The following MAP4K5 variants were observed in gnomAD, a reference collection of about 807,000 sequenced individuals.
MAP4K5 encodes the protein mitogen-activated protein kinase kinase kinase kinase 5.
Under a neutral mutation model 135.6 loss-of-function variants are expected in MAP4K5, and 82 were observed. That is an observed-to-expected ratio of 0.60 (90% CI 0.51 to 0.73). The LOEUF (loss-of-function observed/expected upper bound fraction) is 0.73, where lower values mean the gene tolerates loss of function less well. MAP4K5 is among the 30% of genes least tolerant of loss of function. MAP4K5 has a pLI of 0.00. For missense variants in MAP4K5, 907 were observed against 1,010.9 expected, an observed-to-expected ratio of 0.90 and a Z score of 1.39; for synonymous variants, 347 against 335.0, an observed-to-expected ratio of 1.04 and a Z score of -0.39.
intron 1 of MAP4K5, among the ~76,000 whole-genome samples, chr14:50,555,920 A>C (rs1354206512): frequency 1.3e-5 from 2 of 152,208 alleles, no homozygotes; most frequent in African/African-American, 4.8e-5. Flanking sequence ...TCAACTATTG[A>C]GAAACTTCTG....
rs566660409 is a variant in MAP4K5, at chr14:50,468,808, T to C, written c.543-26A>G. The C allele has an allele frequency of 9.5e-6, 15 of 1,584,300 alleles. No homozygotes were observed. The African/African-American group carries it at 1.2e-4, about 13-fold the overall frequency. On this transcript the variant is annotated intron_variant, in intron 9 of 32. Transcript: ENST00000682126. The stretch of plus-strand genomic sequence containing the variant: ...CTAGAAGGAATCAATGAATACAACA[T>C]TTTTGTTGTTAAATATTGATCTGAA...
chr14:50,527,743 T>A lies in MAP4K5; in HGVS notation c.108+4199A>T, dbSNP rs182696482. Among the ~76,000 whole-genome samples, 13 of 151,804 alleles carry A rather than the reference T, an allele frequency of 8.6e-5. No homozygotes were observed. In the East Asian group the frequency reaches 2.5e-3, roughly 29 times the overall value. On this transcript the variant is annotated intron_variant, in intron 2 of 32. Transcript: ENST00000682126. ...AAACATGTTATTCTTCTATAATCAA[T>A]CAGATAAAGCAATAAAGCTTAGAAA...
rs374506775 is a variant in MAP4K5 at position 50,462,683 on chromosome 14, T to G, written c.918A>C (p.Ala306=). Residue 306 remains alanine, a synonymous_variant, in exon 13 of 33, where the codon GCA becomes GCC. Coordinates refer to ENST00000682126, the MANE Select transcript of MAP4K5 (RefSeq NM_006575.6). The part of the protein sequence containing the change: ...NPDNHAHYTE[A]DDDDFEPHAI... ...TCCTTACCTCAAAGTCATCGTCATC[T>G]GCTTCAGTGTAATGTGCGTGGTTAT... 1.2e-6 allele frequency: 2 copies of G among 1,603,664 alleles called. No individual in the cohort carries two copies. Among genetic ancestry groups the G allele is most frequent in the Middle Eastern group, 3.3e-4 (2 of 6,056 alleles).
intron 16 of MAP4K5, among the ~76,000 whole-genome samples, chr14:50,446,487 A>G (rs2036351517): frequency 6.6e-6 from 1 of 152,240 alleles, no homozygotes; most frequent in Non-Finnish European, 1.5e-5. Flanking sequence ...TACTCAAAGT[A>G]GATCCTCAAA....
At chr14:50,493,322 A>G (rs1283812541) in intron 3 of MAP4K5, among the ~76,000 whole-genome samples, 1 of 152,208 alleles carries the variant, frequency 6.6e-6, no homozygotes, top group Non-Finnish European at 1.5e-5. Flanking sequence ...TCAGGCTGAC[A>G]CCATGAGCAT....
chr14:50,468,569 T>G, intron 10 of MAP4K5, 82 bp downstream of exon 10: 29 of 1,380,098 alleles, frequency 2.1e-5, no homozygotes, highest in South Asian at 2.7e-5. Flanking sequence ...TTCTTAAAAA[T>G]GAGCTTGATG....
At chr14:50,463,480 T>C (rs1014238243) in intron 12 of MAP4K5, among the ~76,000 whole-genome samples, 3 of 152,294 alleles carry the variant, frequency 2.0e-5, no homozygotes, top group South Asian at 2.1e-4. Context: ...TATACCCACA[T>C]ATATACACTG....
chr14:50,536,187 G>A (rs1052625270), upstream of MAP4K5, among the ~76,000 whole-genome samples: 36 of 152,322 alleles, frequency 2.4e-4, no homozygotes, highest in African/African-American at 8.4e-4. Context: ...GCCCATGCCT[G>A]TAATCCCAGC....
At position 50,492,009 on chromosome 14, in the gene MAP4K5, A is replaced by G. The variant is rs2139962624; in HGVS notation, c.167-5815T>C. Among the ~76,000 whole-genome samples, 2 of 152,264 alleles carry G rather than the reference A, an allele frequency of 1.3e-5. 1 individual carries two copies. Among genetic ancestry groups the G allele is most frequent in the South Asian group, 4.1e-4 (2 of 4,832 alleles). On this transcript the variant is annotated intron_variant, in intron 3 of 32. Coordinates refer to ENST00000682126, the MANE Select transcript of MAP4K5 (RefSeq NM_006575.6). ...GCCTGAGCTTTCAGAAAGTTAGCAC[A>G]TTATAATAATTCTACAAAAAGTATA...
chr14:50,462,557 G>A (rs148947672), intron 13 of MAP4K5, 108 bp downstream of exon 13: 1 of 728,820 alleles, frequency 1.4e-6, no homozygotes, highest in East Asian at 2.6e-5. Flanking sequence ...AGCTAAACCT[G>A]TTTTAACTAA....
At chr14:50,519,756 C>A (rs1388062501) in intron 2 of MAP4K5, among the ~76,000 whole-genome samples, 1 of 151,932 alleles carries the variant, frequency 6.6e-6, no homozygotes, top group Non-Finnish European at 1.5e-5. Context: ...GCTATCTATG[C>A]CAAGGCAAGA....
intron 2 of MAP4K5, among the ~76,000 whole-genome samples, chr14:50,509,510 T>G (rs2037885958): frequency 6.6e-6 from 1 of 152,196 alleles, no homozygotes; most frequent in African/African-American, 2.4e-5. Context: ...ATTTTCAATG[T>G]AACAGAAGGT....
intron 1 of MAP4K5, among the ~76,000 whole-genome samples, chr14:50,545,451 C>T (rs370247864): frequency 6.6e-6 from 1 of 152,098 alleles, no homozygotes; most frequent in South Asian, 2.1e-4. Flanking sequence ...GGGTGGTCGA[C>T]GGCATCCATG....
rs528823999 is a variant in MAP4K5, at chr14:50,419,661, A to G, written c.*358T>C. On this transcript the variant is annotated 3_prime_UTR_variant, in exon 33 of 33. Coordinates refer to ENST00000682126, the MANE Select transcript of MAP4K5 (RefSeq NM_006575.6). ...ATTAAGAAGGAATAAGACATGATAT[A>G]AAATGATCACTAAATTTACCTCTCT... 5.4e-6 allele frequency: 1 copy of G among 184,466 alleles called. No individual in the cohort carries two copies. The highest frequency in any genetic ancestry group is 1.3e-4 in the East Asian group (1 of 7,894). 11.4% of individuals were successfully genotyped at this position (184,466 alleles called of 1,614,324 possible).
intron 1 of MAP4K5, among the ~76,000 whole-genome samples, chr14:50,560,726 C>T (rs1386552430): frequency 5.4e-5 from 8 of 149,276 alleles, no homozygotes; most frequent in African/African-American, 1.9e-4. Flanking sequence ...CAAGCCCCAA[C>T]CCCCCTCCCC....
intron 26 of MAP4K5, 92 bp downstream of exon 26, chr14:50,437,384 C>T (rs753372131): frequency 4.0e-5 from 39 of 975,430 alleles, no homozygotes; most frequent in South Asian, 3.6e-4. Flanking sequence ...AAAACCTACC[C>T]TCCTTCCTAT....
chr14:50,460,764 A>G (rs1042298524), intron 13 of MAP4K5, among the ~76,000 whole-genome samples: 5 of 152,170 alleles, frequency 3.3e-5, no homozygotes, highest in African/African-American at 1.2e-4. Flanking sequence ...TTCAATGACT[A>G]TTTCTATTAA....
intron 32 of MAP4K5, among the ~76,000 whole-genome samples, chr14:50,420,649 C>T (rs1377247167): frequency 6.6e-6 from 1 of 151,678 alleles, no homozygotes; most frequent in Non-Finnish European, 1.5e-5. Context: ...AAACAACAAA[C>T]AAAATTTGCT....
chr14:50,430,528 A>G (rs147430957), intron 28 of MAP4K5, among the ~76,000 whole-genome samples: 2 of 152,360 alleles, frequency 1.3e-5, no homozygotes, highest in African/African-American at 4.8e-5. Flanking sequence ...GCCAAATAGC[A>G]GGTATTCACT....
Sources: allele counts gnomAD v4.1 joint callset (sites outside exome capture counted in the v4.1 genomes callset), GRCh38; gene constraint gnomAD v4.1.1; transcripts MANE v1.5; gene names NCBI Gene and HGNC (gene_info 2026-07-23, HGNC 2026-07-21).